Variants in CLRN2 observed in about 807,000 individuals in gnomAD.
CLRN2 encodes the protein clarin-2.
CLRN2 carries 17 observed loss-of-function variants against 20.1 expected under a neutral mutation model. That is an observed-to-expected ratio of 0.85 (90% confidence interval 0.58 to 1.27). The LOEUF is 1.27. CLRN2 is among the 50% of genes most tolerant of loss of function. The probability of loss-of-function intolerance (pLI) is 0.00; values close to 1 mark genes in which losing one functional copy is unlikely to be tolerated. For missense variants in CLRN2, 288 were observed against 299.5 expected (o/e 0.96, Z 0.28); for synonymous variants, 140 against 126.9 (o/e 1.10, Z -0.70).
chr4:17,515,300 C>T lies in CLRN2; in HGVS notation c.34C>T (p.Leu12=), dbSNP rs765761759. The T allele has an allele frequency of 1.2e-6, 2 of 1,613,870 alleles. No individual in the cohort carries two copies. The highest frequency in any genetic ancestry group is 1.7e-6 in the Non-Finnish European group (2 of 1,179,898). The change falls in exon 1 of 3, where the codon CTG becomes TTG. Residue 12 remains leucine (L), a synonymous_variant. Transcript: ENST00000511148. ...PGWFKKAWYG[L]ASLLSFSSFI... is the part of the protein sequence containing the mutation. ...ATGGTTCAAAAAGGCGTGGTATGGG[C>T]TGGCGTCTTTACTCAGCTTCTCCTC...
chr4:17,519,763 A>G (rs1711789412), intron 1 of CLRN2, among the ~76,000 whole-genome samples: 1 of 152,228 alleles, frequency 6.6e-6, no homozygotes, highest in African/African-American at 2.4e-5. Context: ...TTCCTAGGGC[A>G]GCACTGGGTG....
chr4:17,515,410 C>A lies in CLRN2; in HGVS notation c.144C>A (p.Asn48Lys), dbSNP rs559748500. 1.9e-6 allele frequency: 3 copies of A among 1,613,926 alleles called. No individual in the cohort carries two copies. In the African/African-American group the frequency reaches 4.0e-5, roughly 22 times the overall value. ...ILCQTGVDLV[N>K]ATDRELVKFI... Reference sequence around the variant, plus strand: ...GTCAGACTGGAGTGGATCTGGTCAACGCCACAGACAGAGAGCTGGTCAAGT... The same window carrying A: ...GTCAGACTGGAGTGGATCTGGTCAAAGCCACAGACAGAGAGCTGGTCAAGT... The change falls in exon 1 of 3, where the codon AAC (asparagine) becomes AAA (lysine). Residue 48 changes from asparagine to lysine, a missense_variant. Coordinates refer to ENST00000511148, the MANE Select transcript of CLRN2 (RefSeq NM_001079827.2).
intron 1 of CLRN2, 47 bp from the exon 2 acceptor site, chr4:17,522,817 G>C: frequency 6.3e-7 from 1 of 1,582,060 alleles, no homozygotes; most frequent in Non-Finnish European, 8.6e-7. Flanking sequence ...TCATGAAAGT[G>C]AGTCTAACTC....
At chr4:17,516,184 G>T (rs1247171534) in intron 1 of CLRN2, among the ~76,000 whole-genome samples, 1 of 152,244 alleles carries the variant, frequency 6.6e-6, no homozygotes, top group East Asian at 1.9e-4. Flanking sequence ...GAGACCTCAA[G>T]CAAGGCACTT....
chr4:17,519,864 T>C (rs1279272277), intron 1 of CLRN2, among the ~76,000 whole-genome samples: 1 of 152,146 alleles, frequency 6.6e-6, no homozygotes, highest in Admixed American at 6.5e-5. Flanking sequence ...TCTACTTTTT[T>C]CTTCTTTTTT....
intron 1 of CLRN2, among the ~76,000 whole-genome samples, chr4:17,517,559 T>C (rs1175511849): frequency 6.6e-6 from 1 of 152,048 alleles, no homozygotes; most frequent in African/African-American, 2.4e-5. Flanking sequence ...AACAAATGCA[T>C]ATTTTGTTTG....
Position 17,524,958 on chromosome 4 carries a change from TAAA to T in CLRN2, c.434-1856_434-1854del, listed in dbSNP as rs140035346. Among the ~76,000 whole-genome samples, 269 of 151,858 alleles carry T rather than the reference TAAA, an allele frequency of 1.8e-3. 4 individuals carry two copies. Among genetic ancestry groups the T allele is most frequent in the African/African-American group, 5.9e-3 (243 of 41,398 alleles). On this transcript the variant is annotated intron_variant, in intron 2 of 2. Coordinates refer to ENST00000511148, the MANE Select transcript of CLRN2 (RefSeq NM_001079827.2). ...AAACCTTGTCTCAAAAAATAAAAAATAAAAACAGGCAAAGCTTTATGTCTTTTG... is the reference window on the plus strand; with the variant it reads ...AAACCTTGTCTCAAAAAATAAAAAATAACAGGCAAAGCTTTATGTCTTTTG...
At chr4:17,517,060 T>A (rs1711697057) in intron 1 of CLRN2, among the ~76,000 whole-genome samples, 1 of 152,206 alleles carries the variant, frequency 6.6e-6, no homozygotes, top group African/African-American at 2.4e-5. Context: ...GACTAGTAAA[T>A]TATTTTTAGG....
intron 1 of CLRN2, among the ~76,000 whole-genome samples, chr4:17,521,402 A>G (rs1382710992): frequency 6.6e-6 from 1 of 152,222 alleles, no homozygotes; most frequent in East Asian, 1.9e-4. Flanking sequence ...GTGAACCAGC[A>G]AAGGAACTAG....
intron 1 of CLRN2, among the ~76,000 whole-genome samples, chr4:17,516,167 TG>T (rs1478266300): frequency 6.6e-6 from 1 of 152,226 alleles, no homozygotes; most frequent in Non-Finnish European, 1.5e-5. Context: ...GAAAGTTTAC[TG>T]GTGGGGAGAC....
chr4:17,515,283 A>G lies in CLRN2; in HGVS notation c.17A>G (p.Lys6Arg). ...CCCACTAGCATGCCTGGATGGTTCA[A>G]AAAGGCGTGGTATGGGCTGGCGTCT... MPGWFKKAWYGLASLL... is the reference protein window; with the variant it reads MPGWFRKAWYGLASLL... Residue 6 changes from lysine to arginine, a missense_variant, in exon 1 of 3, where the codon AAA becomes AGA. By Grantham distance (26) the Lys-to-Arg change is conservative. Coordinates refer to ENST00000511148, the MANE Select transcript of CLRN2 (RefSeq NM_001079827.2). 2 of 1,613,880 alleles carry G rather than the reference A, an allele frequency of 1.2e-6. No homozygotes were observed. Among genetic ancestry groups the G allele is most frequent in the Non-Finnish European group, 1.7e-6 (2 of 1,179,896 alleles).
chr4:17,515,645 G>A, intron 1 of CLRN2, 126 bp downstream of exon 1: 1 of 1,038,078 alleles, frequency 9.6e-7, no homozygotes, highest in East Asian at 2.6e-5. Flanking sequence ...AAAGTCCACA[G>A]TGAGCCAAGG....
In CLRN2 at chr4:17,525,015, TA is replaced by T. The variant is rs1230238060; in HGVS notation, c.434-1795del. On this transcript the variant is annotated intron_variant, in intron 2 of 2. Coordinates refer to ENST00000511148, the MANE Select transcript of CLRN2 (RefSeq NM_001079827.2). ...AAACTTTATTTCTTGCCACTGAGCT[TA>T]AAAAAACAACAACACTGTAGTGTCA... Among the ~76,000 whole-genome samples the T allele has an allele frequency of 3.3e-5, 5 of 152,230 alleles. No homozygotes were observed. The East Asian group carries it at 9.7e-4, about 29-fold the overall frequency.
chr4:17,522,507 A>G (rs1711857630), intron 1 of CLRN2, among the ~76,000 whole-genome samples: 1 of 152,234 alleles, frequency 6.6e-6, no homozygotes, highest in Admixed American at 6.5e-5. Context: ...CGTGAGAATT[A>G]TGTGTCCTTC....
chr4:17,518,162 G>A (rs933492668), intron 1 of CLRN2, among the ~76,000 whole-genome samples: 2 of 151,932 alleles, frequency 1.3e-5, no homozygotes, highest in African/African-American at 2.4e-5. Flanking sequence ...ATTGGGTCTC[G>A]TTCACAAACA....
At chr4:17,525,433 C>G (rs939763846) in intron 2 of CLRN2, among the ~76,000 whole-genome samples, 2 of 152,054 alleles carry the variant, frequency 1.3e-5, no homozygotes, top group Non-Finnish European at 2.9e-5. Flanking sequence ...CTCAGGAGTT[C>G]AAGACCAGCC....
At chr4:17,523,066 A>G (rs766279207) in intron 2 of CLRN2, 23 bp downstream of exon 2, 1 of 1,588,944 alleles carries the variant, frequency 6.3e-7, no homozygotes, top group African/African-American at 1.3e-5. Context: ...TTAGGGAGAG[A>G]AAATTATGTC....
rs572761290 is a variant in CLRN2 at position 17,515,196 on chromosome 4, C to T, written c.-71C>T. 3.8e-5 allele frequency: 60 copies of T among 1,566,830 alleles called. No homozygotes were observed. Among genetic ancestry groups the T allele is most frequent in the South Asian group, 3.3e-4 (28 of 83,986 alleles). ...AGCTGACCTTGGAGCAGAGCATTGC[C>T]GAGTATCTGAAAGATGTCAATGACC... On this transcript the variant is annotated 5_prime_UTR_variant, in exon 1 of 3. Coordinates refer to ENST00000511148, the MANE Select transcript of CLRN2 (RefSeq NM_001079827.2).
At chr4:17,521,423 G>A (rs1247265289) in intron 1 of CLRN2, among the ~76,000 whole-genome samples, 2 of 152,252 alleles carry the variant, frequency 1.3e-5, no homozygotes, top group Non-Finnish European at 2.9e-5. Flanking sequence ...TTCCATCAGG[G>A]TGGGTATTCA....
Sources: allele counts gnomAD v4.1 joint callset (sites outside exome capture counted in the v4.1 genomes callset), GRCh38; gene constraint gnomAD v4.1.1; transcripts MANE v1.5; gene names NCBI Gene and HGNC (gene_info 2026-07-23, HGNC 2026-07-21).